NOL11: variants seen among roughly 807,000 people sequenced by gnomAD.
NOL11 encodes the protein nucleolar protein 11.
A neutral mutation model predicts 93.0 loss-of-function variants in NOL11; 42 were observed. The ratio of observed to expected loss-of-function variants is 0.45; its 90% confidence interval spans 0.35 to 0.58. The LOEUF (loss-of-function observed/expected upper bound fraction) is 0.58, where lower values mean the gene tolerates loss of function less well. Among genes scored for constraint, NOL11 ranks in the 20% least tolerant of loss-of-function variants. The probability of loss-of-function intolerance (pLI) is 0.00; values close to 1 mark genes in which losing one functional copy is unlikely to be tolerated. For synonymous variants in NOL11, 296 were observed against 293.7 expected (o/e 1.01, Z -0.08); for missense variants, 775 against 841.8 (o/e 0.92, Z 0.98).
Position 67,724,104 on chromosome 17 carries a change from A to G in NOL11, c.575A>G (p.Tyr192Cys), listed in dbSNP as rs1404664493. Residue 192 changes from tyrosine (Y) to cysteine (C), a missense_variant, in exon 6 of 18, where the codon TAT becomes TGT. By Grantham distance (194) the Tyr-to-Cys change is radical. Coordinates refer to ENST00000253247, the MANE Select transcript of NOL11 (RefSeq NM_015462.5). Reference protein sequence around the residue: ...QMFNSRILTKYTLLLGQDENS... With the variant: ...QMFNSRILTKCTLLLGQDENS... ...TTTAACTCACGTATCTTAACCAAAT[A>G]TACACTCTTACTTGGACAAGACGAA... 2.5e-6 allele frequency: 4 copies of G among 1,590,832 alleles called. No homozygotes were observed. The highest frequency in any genetic ancestry group is 1.7e-6 in the Non-Finnish European group (2 of 1,168,866).
chr17:67,726,680 TTGTA>T, intron 7 of NOL11, 32 bp downstream of exon 7: 1 of 1,492,682 alleles, frequency 6.7e-7, no homozygotes, highest in Non-Finnish European at 9.1e-7. Flanking sequence ...AAGAAGGCCT[TTGTA>T]TGTTTCCTTC....
chr17:67,738,498 T>C (rs2055225076), intron 14 of NOL11, 143 bp downstream of exon 14: 2 of 619,770 alleles, frequency 3.2e-6, no homozygotes, highest in Non-Finnish European at 5.6e-6. Flanking sequence ...AAATAGATTA[T>C]GTTCAATGCT....
Position 67,743,780 on chromosome 17 carries a change from G to T in NOL11, c.2081G>T (p.Ser694Ile). The T allele has an allele frequency of 6.5e-7, 1 of 1,548,064 alleles. No individual in the cohort carries two copies. The highest frequency in any genetic ancestry group is 8.7e-7 in the Non-Finnish European group (1 of 1,153,334). The change falls in exon 18 of 18, where the codon AGT becomes ATT. Residue 694 changes from serine (S) to isoleucine (I), a missense_variant. Physicochemically the swap from Ser to Ile is moderately radical, Grantham distance 142 (BLOSUM62 -2). This residue lies in a region of NOL11 where 416 missense variants were observed against 525.2 expected (regional missense o/e 0.79). Transcript: ENST00000253247. Reference protein sequence around the residue: ...VYSELNKIEVSFRELQKLNQE... With the variant: ...VYSELNKIEVIFRELQKLNQE... ...TCTGAGCTCAACAAGATTGAAGTAA[G>T]TTTTCGGGAGCTACAGAAATTAAAT...
In NOL11 at chr17:67,718,067, C is replaced by G; in HGVS notation, c.120C>G (p.Gly40=). The G allele has an allele frequency of 6.2e-7, 1 of 1,614,232 alleles. No individual in the cohort carries two copies. Among genetic ancestry groups the G allele is most frequent in the Non-Finnish European group, 8.5e-7 (1 of 1,180,036 alleles). ...KTDQFLVTDS[G]RTVILYKVSD... is the part of the protein sequence containing the mutation. Reference sequence around the variant, plus strand: ...ACCAGTTTCTAGTGACAGACAGCGGCAGGACAGTCATCCTCTATAAGGTGA... The same window carrying G: ...ACCAGTTTCTAGTGACAGACAGCGGGAGGACAGTCATCCTCTATAAGGTGA... Residue 40 remains glycine (G), a synonymous_variant, in exon 1 of 18, where the codon GGC becomes GGG. Coordinates refer to ENST00000253247, the MANE Select transcript of NOL11 (RefSeq NM_015462.5).
chr17:67,720,004 G>A, intron 3 of NOL11, 42 bp downstream of exon 3: 1 of 1,498,516 alleles, frequency 6.7e-7, no homozygotes, highest in African/African-American at 1.4e-5. Context: ...TAGCTTATTG[G>A]TGAATTAGAA....
intron 8 of NOL11, 86 bp from the exon 9 acceptor site, chr17:67,735,814 C>T (rs1351568325): frequency 9.3e-7 from 1 of 1,076,368 alleles, no homozygotes; most frequent in Non-Finnish European, 1.3e-6. Flanking sequence ...ATACTGAGCA[C>T]TTATACAGTG....
chr17:67,727,413 G>A (rs1369728668), intron 7 of NOL11, among the ~76,000 whole-genome samples: 1 of 152,296 alleles, frequency 6.6e-6, no homozygotes, highest in Admixed American at 6.5e-5. Context: ...TATAATCCCA[G>A]CACTTTGGGA....
At chr17:67,736,150 GA>G in intron 9 of NOL11, 127 bp downstream of exon 9, 1 of 886,064 alleles carries the variant, frequency 1.1e-6, no homozygotes, top group Non-Finnish European at 1.7e-6. Flanking sequence ...GCTGTTTATT[GA>G]AACTTGTGAA....
At position 67,737,697 on chromosome 17, in the gene NOL11, C is replaced by G; in HGVS notation, c.1403+5C>G. On this transcript the variant is annotated splice_donor_5th_base_variant and intron_variant, in intron 12 of 17. Coordinates refer to ENST00000253247, the MANE Select transcript of NOL11 (RefSeq NM_015462.5). ...AACGCATGTGCTTTCTTACAGGTAG[C>G]TGTTTGTGTGTACCACACTGTACGT... 2 of 1,612,232 alleles carry G rather than the reference C, an allele frequency of 1.2e-6. No individual in the cohort carries two copies. The highest frequency in any genetic ancestry group is 2.2e-5 in the East Asian group (1 of 44,872).
chr17:67,726,202 T>A (rs922307400), intron 6 of NOL11, among the ~76,000 whole-genome samples: 3 of 152,222 alleles, frequency 2.0e-5, no homozygotes, highest in Non-Finnish European at 4.4e-5. Context: ...CCCCTCAATA[T>A]TTTAAGTTAT....
Position 67,717,955 on chromosome 17 carries a change from C to A in NOL11, c.8C>A (p.Ala3Glu). The change falls in exon 1 of 18, where the codon GCG becomes GAG. Residue 3 changes from alanine to glutamate, a missense_variant. Coordinates refer to ENST00000253247, the MANE Select transcript of NOL11 (RefSeq NM_015462.5). MAALEEEFTLSSV... is the reference protein window; with the variant it reads MAELEEEFTLSSV... ...TACTTAGGTTTGCTCAAAATGGCAG[C>A]GCTGGAGGAAGAATTCACGTTGTCT... 6.2e-7 allele frequency: 1 copy of A among 1,614,138 alleles called. No individual in the cohort carries two copies. Among genetic ancestry groups the A allele is most frequent in the Non-Finnish European group, 8.5e-7 (1 of 1,179,998 alleles).
chr17:67,736,072 CT>C lies in NOL11; in HGVS notation c.1054+51del, dbSNP rs747700753. The stretch of plus-strand genomic sequence containing the variant: ...TTATTAATACAAACCGTTTTATTAA[CT>C]TGTAGTTTCGTACAGATTCCCACAG... On this transcript the variant is annotated intron_variant, in intron 9 of 17. Coordinates refer to ENST00000253247, the MANE Select transcript of NOL11 (RefSeq NM_015462.5). The C allele has an allele frequency of 4.6e-6, 7 of 1,516,108 alleles. No homozygotes were observed. In the South Asian group the frequency reaches 8.6e-5, roughly 19 times the overall value. 93.9% of individuals were successfully genotyped at this position (1,516,108 alleles called of 1,614,324 possible).
rs541344119 is a variant in NOL11 at position 67,743,935 on chromosome 17, T to A, written c.*76T>A. 7.3e-5 allele frequency: 55 copies of A among 757,308 alleles called. No individual in the cohort carries two copies. The highest frequency in any genetic ancestry group is 6.7e-4 in the Admixed American group (25 of 37,330). The allele number at this position is 757,308 out of a possible 1,614,324, so 46.9% of individuals were successfully genotyped here. ...TCTTGCTTCATCCAGGCAAGAACGG[T>A]GTTTTGTTTGCGACCATCTCAGTGT... On this transcript the variant is annotated 3_prime_UTR_variant, in exon 18 of 18. Transcript: ENST00000253247.
chr17:67,720,051 C>A (rs2043206133), intron 3 of NOL11, 89 bp downstream of exon 3: 1 of 1,225,246 alleles, frequency 8.2e-7, no homozygotes, highest in Middle Eastern at 3.0e-4. Flanking sequence ...TATTTTAATA[C>A]CTCTGGGAAA....
intron 7 of NOL11, among the ~76,000 whole-genome samples, chr17:67,729,341 A>G (rs2143107984): frequency 6.6e-6 from 1 of 151,186 alleles, no homozygotes; most frequent in East Asian, 2.0e-4. Context: ...CTAGTCTTGA[A>G]CTCGTGACCT....
chr17:67,741,930 A>G (rs544969569), intron 16 of NOL11, among the ~76,000 whole-genome samples: 1 of 152,234 alleles, frequency 6.6e-6, no homozygotes, highest in South Asian at 2.1e-4. Flanking sequence ...CTTTTAACCA[A>G]TGCATACTAT....
chr17:67,733,457 G>C (rs918720250), intron 7 of NOL11, among the ~76,000 whole-genome samples: 1 of 152,130 alleles, frequency 6.6e-6, no homozygotes, highest in Admixed American at 6.5e-5. Flanking sequence ...TCCATGTCTT[G>C]TTTCTCATTT....
Position 67,722,429 on chromosome 17 carries a change from A to G in NOL11, c.462-151A>G. 5.0e-6 allele frequency: 6 copies of G among 1,200,074 alleles called. No homozygotes were observed. The Middle Eastern group carries it at 9.1e-4, about 181-fold the overall frequency. The allele number at this position is 1,200,074 out of a possible 1,614,324, so 74.3% of individuals were successfully genotyped here. A position where few individuals can be genotyped will look rare whatever the true frequency, so the allele number is the denominator to read the frequency against. On this transcript the variant is annotated intron_variant, in intron 4 of 17. Coordinates refer to ENST00000253247, the MANE Select transcript of NOL11 (RefSeq NM_015462.5). ...TTGACAAATGCGTATTGCTTGTGGT[A>G]TATGTTTCAAAACGCCCAATTAAGT...
At chr17:67,722,437 C>CTGATGTCTTTCTGGTTCT in intron 4 of NOL11, 143 bp from the exon 5 acceptor site, 1 of 1,312,090 alleles carries the variant, frequency 7.6e-7, no homozygotes, top group Non-Finnish European at 1.0e-6. Flanking sequence ...GTATATGTTT[C>CTGATGTCTTTCTGGTTCT]AAAACGCCCA....
Sources: allele counts gnomAD v4.1 joint callset (sites outside exome capture counted in the v4.1 genomes callset), GRCh38; gene constraint gnomAD v4.1.1; regional missense constraint gnomAD v4.1.1; transcripts MANE v1.5; gene names NCBI Gene and HGNC (gene_info 2026-07-23, HGNC 2026-07-21).